Variants in AKAP6 observed in about 807,000 individuals in gnomAD.
The protein encoded by AKAP6 is A-kinase anchoring protein 6.
In AKAP6, 58 loss-of-function variants were observed where a neutral mutation model predicts 188.5. The observed-to-expected ratio is 0.31, with a 90% CI of 0.25 to 0.38. The LOEUF is 0.38. AKAP6 is among the 10% of genes least tolerant of loss of function. The pLI, the probability that AKAP6 is intolerant of heterozygous loss-of-function variation, is 1.00. For synonymous variants in AKAP6, 989 were observed against 998.6 expected (o/e 0.99, Z 0.18); for missense variants, 2,710 against 2,740.0 (o/e 0.99, Z 0.24).
At chr14:32,586,826 C>T (rs888582740) in intron 5 of AKAP6, among the ~76,000 whole-genome samples, 1 of 152,176 alleles carries the variant, frequency 6.6e-6, no homozygotes, top group African/African-American at 2.4e-5. Context: ...TTTTCTATTA[C>T]AAATGATGCT....
At chr14:32,508,415 A>G (rs1329939543) in intron 2 of AKAP6, among the ~76,000 whole-genome samples, 2 of 152,182 alleles carry the variant, frequency 1.3e-5, no homozygotes, top group Non-Finnish European at 2.9e-5. Context: ...TATTCATTCT[A>G]TGTTGATCAT....
intron 7 of AKAP6, among the ~76,000 whole-genome samples, chr14:32,641,663 G>T (rs961171647): frequency 7.2e-5 from 11 of 152,114 alleles, no homozygotes; most frequent in Non-Finnish European, 1.2e-4. Context: ...TGAATTTCAT[G>T]TGGTCCCTAA....
At chr14:32,779,401 C>T (rs1289660949) in intron 12 of AKAP6, among the ~76,000 whole-genome samples, 1 of 101,536 alleles carries the variant, frequency 9.8e-6, no homozygotes, top group African/African-American at 3.9e-5. Context: ...CAGAGTGAGA[C>T]TCTGTCTCAG....
At chr14:32,647,107 A>C (rs1471077599) in intron 7 of AKAP6, among the ~76,000 whole-genome samples, 1 of 152,150 alleles carries the variant, frequency 6.6e-6, no homozygotes, top group Non-Finnish European at 1.5e-5. Context: ...AATCTTGACA[A>C]GTGCATGCTG....
chr14:32,770,014 C>G (rs2032850388), intron 11 of AKAP6, among the ~76,000 whole-genome samples: 1 of 152,022 alleles, frequency 6.6e-6, no homozygotes, highest in African/African-American at 2.4e-5. Context: ...TAAACTGAAG[C>G]CAATGTGAGG....
chr14:32,546,434 C>T lies in AKAP6; in HGVS notation c.1781C>T (p.Pro594Leu), dbSNP rs199856915. The T allele has an allele frequency of 1.0e-4, 169 of 1,614,120 alleles. No individual in the cohort carries two copies. The highest frequency in any genetic ancestry group is 1.6e-4 in the Middle Eastern group (1 of 6,062). ...SSVGSDNIMS[P>L]VPLLSKHKSK... ...GTTGGCTCAGACAACATCATGTCTC[C>T]GGTGCCACTTCTTTCAAAACACAAA... The change falls in exon 4 of 14, where the codon CCG (proline) becomes CTG (leucine). Residue 594 changes from proline (P) to leucine (L), a missense_variant. Physicochemically the swap from Pro to Leu is moderately conservative, Grantham distance 98. Transcript: ENST00000280979.
At chr14:32,797,694 G>A (rs747770357) in intron 12 of AKAP6, among the ~76,000 whole-genome samples, 3 of 151,724 alleles carry the variant, frequency 2.0e-5, no homozygotes, top group Non-Finnish European at 4.4e-5. Context: ...TAGGTGATGG[G>A]ATGATCTGTG....
Position 32,433,523 on chromosome 14 carries a change from C to A in AKAP6, c.30C>A (p.Pro10=). MLTMSVTLS[P]LRSQDLDPMA... is the part of the protein sequence containing the mutation. Reference sequence around the variant, plus strand: ...TAACCATGAGCGTGACACTTTCCCCCCTGAGGTCACAGGACCTGGATCCCA... The same window carrying A: ...TAACCATGAGCGTGACACTTTCCCCACTGAGGTCACAGGACCTGGATCCCA... The change falls in exon 2 of 14, where the codon CCC becomes CCA. Residue 10 remains proline (P), a synonymous_variant. Coordinates refer to ENST00000280979, the MANE Select transcript of AKAP6 (RefSeq NM_004274.5). 3 of 1,614,106 alleles carry A rather than the reference C, an allele frequency of 1.9e-6. No homozygotes were observed. The highest frequency in any genetic ancestry group is 1.7e-4 in the Middle Eastern group (1 of 6,058).
Position 32,381,055 on chromosome 14 carries a change from G to A in AKAP6, c.-35+51647G>A, listed in dbSNP as rs115906124. 8.8e-3 allele frequency among the ~76,000 whole-genome samples: 1,334 copies of A among 152,154 alleles called. 24 individuals are homozygous for A. Among genetic ancestry groups the A allele is most frequent in the African/African-American group, 0.031 (1,268 of 41,492 alleles). On this transcript the variant is annotated intron_variant, in intron 1 of 13. Coordinates refer to ENST00000280979, the MANE Select transcript of AKAP6 (RefSeq NM_004274.5). ...AAGATACGTATTAATAGAAAATATC[G>A]GCTGGGCATGGTAGCTCATGCCTGT...
chr14:32,691,131 T>C (rs925428913), intron 8 of AKAP6, among the ~76,000 whole-genome samples: 9 of 152,286 alleles, frequency 5.9e-5, no homozygotes, highest in Admixed American at 5.9e-4. Context: ...ATAGTTCTTA[T>C]ATTTGTATTC....
intron 2 of AKAP6, among the ~76,000 whole-genome samples, chr14:32,460,800 A>C (rs941392176): frequency 1.3e-5 from 2 of 152,246 alleles, no homozygotes; most frequent in Non-Finnish European, 2.9e-5. Context: ...CATGGAGCCC[A>C]GCAAGCTAAG....
intron 2 of AKAP6, among the ~76,000 whole-genome samples, chr14:32,463,037 A>G (rs906514022): frequency 6.6e-6 from 1 of 151,978 alleles, no homozygotes; most frequent in Non-Finnish European, 1.5e-5. Flanking sequence ...GATCAATGCA[A>G]GAAGAAGAGG....
At chr14:32,471,123 A>G (rs1878753022) in intron 2 of AKAP6, among the ~76,000 whole-genome samples, 1 of 152,240 alleles carries the variant, frequency 6.6e-6, no homozygotes, top group Non-Finnish European at 1.5e-5. Context: ...TCTTACCTTT[A>G]TTAAAATCAT....
intron 1 of AKAP6, among the ~76,000 whole-genome samples, chr14:32,332,045 A>G (rs1174065514): frequency 2.6e-5 from 4 of 152,218 alleles, no homozygotes; most frequent in Non-Finnish European, 5.9e-5. Flanking sequence ...TGTATATCTT[A>G]TTTAGCCCTT....
At chr14:32,579,533 C>T (rs1488642894) in intron 5 of AKAP6, among the ~76,000 whole-genome samples, 1 of 152,074 alleles carries the variant, frequency 6.6e-6, no homozygotes, top group East Asian at 1.9e-4. Flanking sequence ...TAATGTCTAA[C>T]AGTTACTGAA....
chr14:32,640,435 T>C (rs557260386), intron 7 of AKAP6, among the ~76,000 whole-genome samples: 77 of 152,290 alleles, frequency 5.1e-4, no homozygotes, highest in African/African-American at 1.6e-3. Flanking sequence ...TTATTTCTTT[T>C]TGGGGTCCAT....
Position 32,554,952 on chromosome 14 carries a change from T to A in AKAP6, c.2346+7953T>A, listed in dbSNP as rs182296555. 3.3e-4 allele frequency among the ~76,000 whole-genome samples: 50 copies of A among 152,344 alleles called. No homozygotes were observed. In the Middle Eastern group the frequency reaches 0.01, roughly 31 times the overall value. On this transcript the variant is annotated intron_variant, in intron 4 of 13. Transcript: ENST00000280979. ...CAGTGATACAGAATCGATGGATGCA[T>A]GACATAGCTGAGCCTGTTTGTCCAC...
At chr14:32,575,187 A>G (rs1884662236) in intron 4 of AKAP6, among the ~76,000 whole-genome samples, 1 of 152,180 alleles carries the variant, frequency 6.6e-6, no homozygotes, top group East Asian at 1.9e-4. Context: ...CAACTCTCAA[A>G]TTTATGCAAA....
rs188566977 is a variant in AKAP6 at position 32,538,506 on chromosome 14, C to T, written c.576+2701C>T. ...CCATCTTCTTCTCTTCTTGAAAAAA[C>T]AATATATGAACTTTATTCTTTATTT... is the stretch of plus-strand genomic sequence containing the variant. On this transcript the variant is annotated intron_variant, in intron 3 of 13. Coordinates refer to ENST00000280979, the MANE Select transcript of AKAP6 (RefSeq NM_004274.5). Among the ~76,000 whole-genome samples the T allele has an allele frequency of 3.7e-3, 565 of 151,982 alleles. 2 individuals carry two copies. Among genetic ancestry groups the T allele is most frequent in the Non-Finnish European group, 6.5e-3 (445 of 67,960 alleles).
Sources: gnomAD v4.1 joint callset for allele counts (sites outside exome capture counted in the v4.1 genomes callset) on GRCh38, gnomAD v4.1.1 for gene constraint, MANE v1.5 for transcripts, NCBI Gene and HGNC (gene_info 2026-07-23, HGNC 2026-07-21) for gene names.